Variants in KSR2 observed in about 807,000 individuals in gnomAD.
KSR2 encodes kinase suppressor of ras 2.
In KSR2, 25 loss-of-function variants were observed where a neutral mutation model predicts 107.8. The observed-to-expected ratio is 0.23, with a 90% CI of 0.17 to 0.32. The LOEUF (loss-of-function observed/expected upper bound fraction) is 0.32, where lower values mean the gene tolerates loss of function less well. KSR2 is among the 10% of genes least tolerant of loss of function. KSR2 has a pLI of 1.00. For missense variants in KSR2, 887 were observed against 1,268.9 expected (o/e 0.70, Z 4.57); for synonymous variants, 480 against 507.0 (o/e 0.95, Z 0.71).
At chr12:117,515,583 A>G (rs926940624) in intron 14 of KSR2, among the ~76,000 whole-genome samples, 9 of 152,230 alleles carry the variant, frequency 5.9e-5, no homozygotes, top group Admixed American at 5.2e-4. Flanking sequence ...GTGAGCAAAC[A>G]TAGAAGAACA....
chr12:117,918,589 G>A (rs1183204607), intron 1 of KSR2, among the ~76,000 whole-genome samples: 1 of 152,014 alleles, frequency 6.6e-6, no homozygotes, highest in Non-Finnish European at 1.5e-5. Context: ...GGGAGTTTGA[G>A]ACCAGCCTGA....
At chr12:117,647,212 T>C (rs1883688697) in intron 5 of KSR2, among the ~76,000 whole-genome samples, 1 of 151,288 alleles carries the variant, frequency 6.6e-6, no homozygotes, top group South Asian at 2.1e-4. Flanking sequence ...TAGGAGAGAG[T>C]GAAGGGCGAA....
intron 14 of KSR2, among the ~76,000 whole-genome samples, chr12:117,521,412 T>C (rs1175060374): frequency 6.6e-6 from 1 of 152,184 alleles, no homozygotes; most frequent in Non-Finnish European, 1.5e-5. Flanking sequence ...AGAGACACTT[T>C]CACTCAACTC....
chr12:117,791,228 TTCCTCCAGA>T (rs911170407), intron 3 of KSR2, among the ~76,000 whole-genome samples: 1 of 151,528 alleles, frequency 6.6e-6, no homozygotes, highest in African/African-American at 2.5e-5. Context: ...TGCAAAGCTC[TTCCTCCAGA>T]TCCTTCAGGA....
At chr12:117,891,614 A>G (rs1157001921) in intron 1 of KSR2, among the ~76,000 whole-genome samples, 1 of 152,138 alleles carries the variant, frequency 6.6e-6, no homozygotes, top group Admixed American at 6.5e-5. Flanking sequence ...ATGTTTTATT[A>G]TAACAAATAT....
chr12:117,960,797 CTTT>C (rs57298583), intron 1 of KSR2, among the ~76,000 whole-genome samples: 7 of 138,750 alleles, frequency 5.0e-5, no homozygotes, highest in African/African-American at 8.1e-5. Flanking sequence ...TTTCTTTTTC[CTTT>C]TTTTTTTTTT....
intron 1 of KSR2, among the ~76,000 whole-genome samples, chr12:117,898,960 C>T (rs1307679844): frequency 7.9e-5 from 12 of 152,100 alleles, no homozygotes; most frequent in African/African-American, 1.7e-4. Context: ...GAGCAGGGCC[C>T]GACAACCTTA....
intron 5 of KSR2, among the ~76,000 whole-genome samples, chr12:117,630,140 A>G (rs1882735266): frequency 6.6e-6 from 1 of 152,202 alleles, no homozygotes; most frequent in South Asian, 2.1e-4. Flanking sequence ...GGTGTTGCAC[A>G]TGCCTAATGT....
intron 4 of KSR2, among the ~76,000 whole-genome samples, chr12:117,679,123 A>G (rs891551672): frequency 2.0e-5 from 3 of 152,106 alleles, no homozygotes; most frequent in African/African-American, 4.8e-5. Flanking sequence ...TCACTCTCCT[A>G]GGACCCAGTG....
chr12:117,586,394 T>C (rs1001146689), intron 5 of KSR2, among the ~76,000 whole-genome samples: 2 of 151,764 alleles, frequency 1.3e-5, no homozygotes, highest in African/African-American at 4.8e-5. Flanking sequence ...CGAGACCAGC[T>C]TGGCCAACAT....
intron 4 of KSR2, among the ~76,000 whole-genome samples, chr12:117,692,544 A>G (rs1593136400): frequency 7.3e-6 from 1 of 136,122 alleles, no homozygotes; most frequent in African/African-American, 2.8e-5. Context: ...ATATATATAC[A>G]CATACATATA....
intron 4 of KSR2, among the ~76,000 whole-genome samples, chr12:117,686,433 C>T (rs952419449): frequency 2.0e-5 from 3 of 151,842 alleles, no homozygotes; most frequent in African/African-American, 7.2e-5. Context: ...AGAGGCTAGG[C>T]GACTTGTCTA....
intron 3 of KSR2, among the ~76,000 whole-genome samples, chr12:117,776,397 T>C (rs1336113248): frequency 1.3e-5 from 2 of 152,142 alleles, no homozygotes; most frequent in Non-Finnish European, 2.9e-5. Flanking sequence ...AGTATTGCAA[T>C]ATTGCAATAA....
intron 17 of KSR2, among the ~76,000 whole-genome samples, chr12:117,473,796 G>C (rs1247641259): frequency 6.6e-6 from 1 of 152,156 alleles, no homozygotes; most frequent in African/African-American, 2.4e-5. Flanking sequence ...ATGGTTAAAA[G>C]CTCCAACTCT....
At chr12:117,890,519 T>G (rs1894307776) in intron 1 of KSR2, among the ~76,000 whole-genome samples, 1 of 152,240 alleles carries the variant, frequency 6.6e-6, no homozygotes, top group Non-Finnish European at 1.5e-5. Flanking sequence ...AAGTCTAGTC[T>G]TTTTAAATAA....
chr12:117,799,880 A>G (rs2137016278), intron 3 of KSR2, among the ~76,000 whole-genome samples: 1 of 152,318 alleles, frequency 6.6e-6, no homozygotes, highest in African/African-American at 2.4e-5. Context: ...TCCACCTCCA[A>G]GAGCTGTGCT....
At chr12:117,787,051 T>C (rs1890102710) in intron 3 of KSR2, among the ~76,000 whole-genome samples, 1 of 151,482 alleles carries the variant, frequency 6.6e-6, no homozygotes, top group Non-Finnish European at 1.5e-5. Flanking sequence ...AAATTATGTA[T>C]ATCAGCTCTC....
intron 16 of KSR2, among the ~76,000 whole-genome samples, chr12:117,480,571 G>C (rs1872117823): frequency 1.3e-5 from 2 of 152,158 alleles, no homozygotes; most frequent in African/African-American, 2.4e-5. Context: ...ACATCACTGG[G>C]CTGCCCCATC....
intron 5 of KSR2, among the ~76,000 whole-genome samples, chr12:117,643,162 C>T (rs995516112): frequency 3.9e-5 from 6 of 152,150 alleles, no homozygotes; most frequent in African/African-American, 9.7e-5. Flanking sequence ...AACCATCAGC[C>T]GGGCACGGTG....
Sources: gnomAD v4.1 joint callset for allele counts (sites outside exome capture counted in the v4.1 genomes callset) on GRCh38, gnomAD v4.1.1 for gene constraint, MANE v1.5 for transcripts, NCBI Gene and HGNC (gene_info 2026-07-23, HGNC 2026-07-21) for gene names.